VASH1: variants seen among roughly 807,000 people sequenced by gnomAD.
VASH1 encodes tubulinyl-Tyr carboxypeptidase 1.
A neutral mutation model predicts 35.0 loss-of-function variants in VASH1; 16 were observed. The ratio of observed to expected loss-of-function variants is 0.46; its 90% CI spans 0.31 to 0.70. The LOEUF (loss-of-function observed/expected upper bound fraction) is 0.70, where lower values mean the gene tolerates loss of function less well. VASH1 is among the 30% of genes least tolerant of loss of function. The pLI is 0.05. For missense variants in VASH1, 505 were observed against 510.7 expected (o/e 0.99, Z 0.11); for synonymous variants, 214 against 200.9 (o/e 1.07, Z -0.55).
Position 76,763,088 on chromosome 14 carries a change from GA to G in VASH1, c.269del (p.Lys90ArgfsTer61). ...HVAKIHPDGE[K>X]VAQRIRGATD... is the part of the protein sequence containing the mutation. ...TGGCCAAGATCCACCCCGATGGAGAGAAGGTGGCGCAACGGATCCGTGGGGC... is the reference window on the plus strand; with the variant it reads ...TGGCCAAGATCCACCCCGATGGAGAGAGGTGGCGCAACGGATCCGTGGGGC... On this transcript the variant is annotated frameshift_variant, in exon 1 of 7. Coordinates refer to ENST00000167106, the MANE Select transcript of VASH1 (RefSeq NM_014909.5). LOFTEE classifies it high-confidence loss of function. The G allele has an allele frequency of 6.6e-7, 1 of 1,510,052 alleles. No individual in the cohort carries two copies. The allele number at this position is 1,510,052 out of a possible 1,614,324, so 93.5% of individuals were successfully genotyped here.
At position 76,761,617 on chromosome 14, in the gene VASH1, G is replaced by A. The variant is rs1309229530; in HGVS notation, c.-1205G>A. Among the ~76,000 whole-genome samples the A allele has an allele frequency of 6.6e-6, 1 of 151,996 alleles. No individual in the cohort carries two copies. Among genetic ancestry groups the A allele is most frequent in the Non-Finnish European group, 1.5e-5 (1 of 67,960 alleles). On this transcript the variant is annotated 5_prime_UTR_variant, in exon 1 of 7. Coordinates refer to ENST00000167106, the MANE Select transcript of VASH1 (RefSeq NM_014909.5). The stretch of plus-strand genomic sequence containing the variant: ...TGGGCTTCTCGTTGGCGGGCTCCGC[G>A]TTGGCGGGCTGCTCCCCAGGCACCA...
chr14:76,776,397 G>A (rs1566687082), intron 5 of VASH1, 124 bp downstream of exon 5: 2 of 1,313,860 alleles, frequency 1.5e-6, no homozygotes, highest in South Asian at 1.5e-5. Context: ...ACCTTGCTTA[G>A]TGGTCGATAT....
intron 3 of VASH1, among the ~76,000 whole-genome samples, chr14:76,771,640 C>G (rs2140180531): frequency 6.6e-6 from 1 of 152,308 alleles, no homozygotes; most frequent in African/African-American, 2.4e-5. Flanking sequence ...GCCGCACTCC[C>G]CATTGCTGAT....
At chr14:76,763,183 T>G in intron 1 of VASH1, 53 bp downstream of exon 1, 1 of 1,369,542 alleles carries the variant, frequency 7.3e-7, no homozygotes, top group Non-Finnish European at 9.5e-7. Context: ...TTAGTGACCT[T>G]GGGGCCAAGA....
Position 76,762,707 on chromosome 14 carries a change from T to C in VASH1, c.-115T>C, listed in dbSNP as rs536671400. 220 of 949,038 alleles carry C rather than the reference T, an allele frequency of 2.3e-4. 1 individual carries two copies. Among genetic ancestry groups the C allele is most frequent in the Non-Finnish European group, 2.3e-4 (159 of 678,216 alleles). 58.8% of individuals were successfully genotyped at this position (949,038 alleles called of 1,614,324 possible). The stretch of plus-strand genomic sequence containing the variant: ...TTATTGTACAGGAGCCACGCCCTGA[T>C]TTCTTAAAGGCGCCTTGCACTCTGG... On this transcript the variant is annotated 5_prime_UTR_variant, in exon 1 of 7. Coordinates refer to ENST00000167106, the MANE Select transcript of VASH1 (RefSeq NM_014909.5).
chr14:76,770,214 C>T (rs892722324), intron 2 of VASH1, among the ~76,000 whole-genome samples, 163 bp downstream of exon 2: 2 of 152,160 alleles, frequency 1.3e-5, no homozygotes, highest in Admixed American at 1.3e-4. Context: ...GGACGCGGCG[C>T]GTGTGCCTCC....
In VASH1 at chr14:76,762,290, C is replaced by G. The variant is rs984560056; in HGVS notation, c.-532C>G. The G allele has an allele frequency of 6.6e-6, 1 of 152,408 alleles. No individual in the cohort carries two copies. The highest frequency in any genetic ancestry group is 1.9e-4 in the East Asian group (1 of 5,176). The allele number at this position is 152,408 out of a possible 1,614,324, so 9.4% of individuals were successfully genotyped here. On this transcript the variant is annotated 5_prime_UTR_variant, in exon 1 of 7. Coordinates refer to ENST00000167106, the MANE Select transcript of VASH1 (RefSeq NM_014909.5). Reference sequence around the variant, plus strand: ...CCCGCCCGGGGGTCTTGGTTCCGAGCTCGCGCGGCCGGGAGTCGCCTCGGT... The same window carrying G: ...CCCGCCCGGGGGTCTTGGTTCCGAGGTCGCGCGGCCGGGAGTCGCCTCGGT...
At position 76,779,022 on chromosome 14, in the gene VASH1, G is replaced by C. The variant is rs765658659; in HGVS notation, c.*4G>C. On this transcript the variant is annotated 3_prime_UTR_variant, in exon 7 of 7. Coordinates refer to ENST00000167106, the MANE Select transcript of VASH1 (RefSeq NM_014909.5). The stretch of plus-strand genomic sequence containing the variant: ...CGGGTACCAGATCCGGGTCTGAGGC[G>C]GATGCCAGCACCCCAGGCCCCACCC... 2.5e-6 allele frequency: 4 copies of C among 1,613,880 alleles called. No homozygotes were observed. The highest frequency in any genetic ancestry group is 3.4e-6 in the Non-Finnish European group (4 of 1,180,012).
Position 76,763,014 on chromosome 14 carries a change from G to T in VASH1, c.193G>T (p.Gly65Cys). The T allele has an allele frequency of 6.5e-7, 1 of 1,549,210 alleles. No homozygotes were observed. Residue 65 changes from glycine to cysteine, a missense_variant, in exon 1 of 7, where the codon GGT becomes TGT. Physicochemically the swap from Gly to Cys is radical, Grantham distance 159 (BLOSUM62 -3). Coordinates refer to ENST00000167106, the MANE Select transcript of VASH1 (RefSeq NM_014909.5). ...DGGVPFFVNR[G>C]GLPVDEATWE... ...AGGCGTCCCCTTCTTTGTCAACCGG[G>T]GTGGGCTACCTGTGGATGAGGCCAC...
rs571344389 is a variant in VASH1, at chr14:76,769,552, C to T, written c.310-411C>T. The stretch of plus-strand genomic sequence containing the variant: ...GGCACCACCTGAGAAGATGGGACCC[C>T]GGATATACCAGCTTTGATCCGGCGC... On this transcript the variant is annotated intron_variant, in intron 1 of 6. Coordinates refer to ENST00000167106, the MANE Select transcript of VASH1 (RefSeq NM_014909.5). 2.1e-5 allele frequency: 25 copies of T among 1,183,844 alleles called. No individual in the cohort carries two copies. In the African/African-American group the frequency reaches 2.4e-4, roughly 11 times the overall value. 73.3% of individuals were successfully genotyped at this position (1,183,844 alleles called of 1,614,324 possible).
At chr14:76,771,389 T>A in intron 3 of VASH1, 143 bp downstream of exon 3, 1 of 640,478 alleles carries the variant, frequency 1.6e-6, no homozygotes, top group Non-Finnish European at 2.3e-6. Flanking sequence ...GGTGCCACCC[T>A]GGGGCCTTAT....
chr14:76,764,268 G>C (rs1192904094), intron 1 of VASH1, among the ~76,000 whole-genome samples: 2 of 152,192 alleles, frequency 1.3e-5, no homozygotes, highest in Non-Finnish European at 2.9e-5. Context: ...AAGGTTGAAG[G>C]TTTAAATACT....
chr14:76,765,367 A>G (rs1893615228), intron 1 of VASH1, among the ~76,000 whole-genome samples: 1 of 152,132 alleles, frequency 6.6e-6, no homozygotes, highest in Admixed American at 6.5e-5. Context: ...AGAGGTTTGG[A>G]AAAATTTGAA....
In VASH1 at chr14:76,776,263, T is replaced by C. The variant is rs1478210968; in HGVS notation, c.902T>C (p.Met301Thr). The change falls in exon 5 of 7, where the codon ATG (methionine) becomes ACG (threonine). Residue 301 changes from methionine (M) to threonine (T), a missense_variant. By Grantham distance (81) the Met-to-Thr change is moderately conservative. Transcript: ENST00000167106. ...GAGCTGGAGCGCCACGCCCGCGACA[T>C]GCGGCTCAAGGTCTGCCCGCCTTCC... ...RKELERHARD[M>T]RLKIGKGTGP... 6.3e-7 allele frequency: 1 copy of C among 1,593,620 alleles called. No individual in the cohort carries two copies. Among genetic ancestry groups the C allele is most frequent in the Non-Finnish European group, 8.5e-7 (1 of 1,173,236 alleles).
rs1893532373 is a variant in VASH1 at position 76,762,617 on chromosome 14, A to G, written c.-205A>G. The G allele has an allele frequency of 1.6e-5, 7 of 432,462 alleles. No individual in the cohort carries two copies. The highest frequency in any genetic ancestry group is 2.9e-5 in the Non-Finnish European group (7 of 243,542). The allele number at this position is 432,462 out of a possible 1,614,324, so 26.8% of individuals were successfully genotyped here. ...GAACAAGGCCTCCAAGGCTGACCCC[A>G]GACAACCCACCCCCTCGGACCCTAA... On this transcript the variant is annotated 5_prime_UTR_variant, in exon 1 of 7. Coordinates refer to ENST00000167106, the MANE Select transcript of VASH1 (RefSeq NM_014909.5).
intron 4 of VASH1, chr14:76,773,631 G>T: frequency 5.2e-6 from 1 of 192,132 alleles, no homozygotes; most frequent in Non-Finnish European, 9.2e-6. Flanking sequence ...AAGCAAAACT[G>T]CCTTAAAAAA....
chr14:76,775,719 T>C (rs1479243484), intron 4 of VASH1, among the ~76,000 whole-genome samples, 173 bp from the exon 5 acceptor site: 2 of 152,166 alleles, frequency 1.3e-5, no homozygotes, highest in East Asian at 3.9e-4. Context: ...CCAGGCTCAA[T>C]GCTAGATGGC....
intron 5 of VASH1, 65 bp from the exon 6 acceptor site, chr14:76,777,894 G>A (rs1893987069): frequency 2.3e-6 from 3 of 1,284,310 alleles, no homozygotes; most frequent in South Asian, 1.9e-5. Context: ...TGTGGCTCCT[G>A]GAAGGAGAGG....
At chr14:76,771,552 G>T (rs559910851) in intron 3 of VASH1, among the ~76,000 whole-genome samples, 1 of 152,328 alleles carries the variant, frequency 6.6e-6, no homozygotes, top group East Asian at 1.9e-4. Context: ...GTGGATTGTA[G>T]GTGAGCCTCA....
Sources: gnomAD v4.1 joint callset for allele counts (sites outside exome capture counted in the v4.1 genomes callset) on GRCh38, gnomAD v4.1.1 for gene constraint, MANE v1.5 for transcripts, NCBI Gene and HGNC (gene_info 2026-07-23, HGNC 2026-07-21) for gene names.